Variants in SNX29 observed in about 807,000 individuals in gnomAD.
SNX29 encodes sorting nexin-29.
In SNX29, 78 loss-of-function variants were observed where a neutral mutation model predicts 102.1. That is an observed-to-expected ratio of 0.76 (90% CI 0.64 to 0.92). SNX29 has a LOEUF of 0.92. Among genes scored for constraint, SNX29 ranks in the 40% least tolerant of loss-of-function variants. The pLI is 0.00. For synonymous variants in SNX29, 580 were observed against 414.5 expected, an observed-to-expected ratio of 1.40 and a Z score of -4.85; for missense variants, 1,280 against 1,061.7, an observed-to-expected ratio of 1.21 and a Z score of -2.86.
chr16:12,507,222 C>G lies in SNX29; in HGVS notation c.2179-17480C>G, dbSNP rs530483658. Among the ~76,000 whole-genome samples the G allele has an allele frequency of 2.6e-5, 4 of 152,340 alleles. No individual in the cohort carries two copies. The East Asian group carries it at 7.7e-4, about 29-fold the overall frequency. On this transcript the variant is annotated intron_variant, in intron 19 of 20. Coordinates refer to ENST00000566228, the MANE Select transcript of SNX29 (RefSeq NM_032167.5). ...AAGCACAGAGGGTCTGACTCCTGGC[C>G]TGGGTCCTTTCCCATCACATCAAAG...
intron 20 of SNX29, among the ~76,000 whole-genome samples, chr16:12,551,734 CAAG>C (rs896193317): frequency 5.9e-5 from 9 of 152,334 alleles, no homozygotes; most frequent in African/African-American, 1.4e-4. Context: ...GGACAGCTGA[CAAG>C]AAATACTTCC....
At chr16:12,432,223 T>A (rs1371660862) in intron 18 of SNX29, among the ~76,000 whole-genome samples, 2 of 152,214 alleles carry the variant, frequency 1.3e-5, no homozygotes, top group Non-Finnish European at 2.9e-5. Context: ...ACTGAACAGA[T>A]CGGTCCTCCG....
chr16:12,565,402 A>T (rs1192408746), intron 20 of SNX29, among the ~76,000 whole-genome samples: 1 of 151,404 alleles, frequency 6.6e-6, no homozygotes, highest in Non-Finnish European at 1.5e-5. Context: ...CATCCACTCA[A>T]CTTGTCCCAA....
chr16:12,126,318 A>T (rs981810664), intron 11 of SNX29, among the ~76,000 whole-genome samples: 9 of 152,232 alleles, frequency 5.9e-5, no homozygotes, highest in African/African-American at 2.2e-4. Context: ...CTGAATTCTT[A>T]CAACACTTCT....
chr16:12,135,548 C>A, intron 13 of SNX29: 3 of 1,325,338 alleles, frequency 2.3e-6, no homozygotes, highest in Non-Finnish European at 3.0e-6. Context: ...ATTTTGTTGG[C>A]AGCTATCTTT....
intron 20 of SNX29, among the ~76,000 whole-genome samples, chr16:12,560,501 G>T (rs537604547): frequency 2.0e-5 from 3 of 152,098 alleles, no homozygotes; most frequent in Admixed American, 6.5e-5. Flanking sequence ...TTCTGGGCAC[G>T]CCTGTCCTGC....
At chr16:12,019,784 G>GT (rs1254519758) in intron 3 of SNX29, among the ~76,000 whole-genome samples, 1 of 151,714 alleles carries the variant, frequency 6.6e-6, no homozygotes, top group Non-Finnish European at 1.5e-5. Flanking sequence ...TTACAGGCAC[G>GT]TACCACCACA....
At chr16:12,538,182 C>G (rs989857295) in intron 20 of SNX29, among the ~76,000 whole-genome samples, 2 of 152,106 alleles carry the variant, frequency 1.3e-5, no homozygotes, top group Non-Finnish European at 2.9e-5. Flanking sequence ...GTGGTGTGAT[C>G]TAGGCTCACC....
intron 1 of SNX29, among the ~76,000 whole-genome samples, chr16:11,983,315 C>T (rs1378976264): frequency 6.7e-6 from 1 of 150,132 alleles, no homozygotes; most frequent in Non-Finnish European, 1.5e-5. Flanking sequence ...GGCCTTAAGC[C>T]ATCCTGTCTC....
Position 12,013,499 on chromosome 16 carries a change from AAATATATATATATATATAT to A in SNX29, c.122+10458_122+10476del, listed in dbSNP as rs1279628985. ...TGTCTCTACTGGGGGAAAAAAAAAAAAATATATATATATATATATATATATATATATATATATATATATC... is the reference window on the plus strand; with the variant it reads ...TGTCTCTACTGGGGGAAAAAAAAAAAATATATATATATATATATATATATC... On this transcript the variant is annotated intron_variant, in intron 3 of 20. Coordinates refer to ENST00000566228, the MANE Select transcript of SNX29 (RefSeq NM_032167.5). 2.1e-3 allele frequency among the ~76,000 whole-genome samples: 145 copies of A among 69,004 alleles called. 11 individuals carry two copies. The highest frequency in any genetic ancestry group is 0.018 in the Middle Eastern group (3 of 166). 45.3% of individuals were successfully genotyped at this position (69,004 alleles called of 152,430 possible).
At chr16:12,054,989 T>A (rs2050460273) in intron 8 of SNX29, among the ~76,000 whole-genome samples, 1 of 152,188 alleles carries the variant, frequency 6.6e-6, no homozygotes, top group Admixed American at 6.5e-5. Flanking sequence ...AGGGCAGCTT[T>A]TCAGCAGCCT....
At chr16:12,282,653 A>AT (rs1321769689) in intron 15 of SNX29, among the ~76,000 whole-genome samples, 1 of 152,104 alleles carries the variant, frequency 6.6e-6, no homozygotes, top group South Asian at 2.1e-4. Context: ...ACAATTAAGT[A>AT]TTTTTTTGTT....
intron 20 of SNX29, among the ~76,000 whole-genome samples, chr16:12,564,174 G>T (rs1052721296): frequency 1.3e-5 from 2 of 152,090 alleles, no homozygotes; most frequent in Non-Finnish European, 2.9e-5. Context: ...GATTGCTTGA[G>T]TTCAGGAGTT....
chr16:12,195,778 T>C (rs1474125735), intron 13 of SNX29, among the ~76,000 whole-genome samples: 1 of 152,208 alleles, frequency 6.6e-6, no homozygotes, highest in Non-Finnish European at 1.5e-5. Flanking sequence ...TGTTAGACTC[T>C]CTGGGCCTCA....
Position 12,061,535 on chromosome 16 carries a change from G to A in SNX29, c.1132G>A (p.Glu378Lys), listed in dbSNP as rs1343670084. The A allele has an allele frequency of 1.9e-6, 3 of 1,601,700 alleles. No homozygotes were observed. The highest frequency in any genetic ancestry group is 2.2e-5 in the East Asian group (1 of 44,508). Residue 378 changes from glutamate to lysine, a missense_variant, in exon 9 of 21, where the codon GAA (glutamate) becomes AAA (lysine). Physicochemically the swap from Glu to Lys is moderately conservative, Grantham distance 56. Coordinates refer to ENST00000566228, the MANE Select transcript of SNX29 (RefSeq NM_032167.5). Reference sequence around the variant, plus strand: ...TGTATTCTTTCACCTTAGGCCACTGGAAGGGAACACCTGCCTCTCCCAGAT... The same window carrying A: ...TGTATTCTTTCACCTTAGGCCACTGAAAGGGAACACCTGCCTCTCCCAGAT... The part of the protein sequence containing the change: ...GHSESPEKPL[E>K]GNTCLSQMHS...
At chr16:12,135,108 C>G (rs1448814240) in intron 13 of SNX29, among the ~76,000 whole-genome samples, 2 of 152,186 alleles carry the variant, frequency 1.3e-5, no homozygotes, top group African/African-American at 4.8e-5. Flanking sequence ...CCTTCTTTTT[C>G]TTCTACTCAG....
chr16:12,319,838 A>G (rs1194421312), intron 15 of SNX29, among the ~76,000 whole-genome samples: 2 of 152,044 alleles, frequency 1.3e-5, no homozygotes, highest in Non-Finnish European at 2.9e-5. Context: ...AGGGGGAGGG[A>G]TGCACACCCT....
intron 14 of SNX29, among the ~76,000 whole-genome samples, chr16:12,214,071 C>A (rs1165540076): frequency 1.3e-5 from 2 of 152,138 alleles, no homozygotes; most frequent in Non-Finnish European, 2.9e-5. Context: ...TAAAAGTGGC[C>A]CTCGTCTCTC....
intron 18 of SNX29, among the ~76,000 whole-genome samples, chr16:12,447,385 A>G (rs991173167): frequency 1.3e-5 from 2 of 152,260 alleles, no homozygotes; most frequent in African/African-American, 4.8e-5. Flanking sequence ...CTAAAAATCA[A>G]AACTAAAAAC....
Sources: allele counts gnomAD v4.1 joint callset (sites outside exome capture counted in the v4.1 genomes callset), GRCh38; gene constraint gnomAD v4.1.1; transcripts MANE v1.5; gene names NCBI Gene and HGNC (gene_info 2026-07-23, HGNC 2026-07-21).